The following ABTB3 variants were observed in gnomAD, a reference collection of about 807,000 sequenced individuals.
ABTB3 encodes the protein ankyrin repeat and BTB domain containing 3, also known as ankyrin repeat- and BTB/POZ domain-containing protein 3.
the ABTB3 span, among the ~76,000 whole-genome samples, chr12:107,618,830 A>C: frequency 1.3e-5 from 2 of 151,888 alleles, no homozygotes; most frequent in African/African-American, 4.8e-5. Flanking sequence ...AGAGCACCCA[A>C]CTCCACGAAG....
At chr12:107,626,994 T>A in the ABTB3 span, among the ~76,000 whole-genome samples, 2 of 151,994 alleles carry the variant, frequency 1.3e-5, no homozygotes, top group Non-Finnish European at 1.5e-5. Context: ...AAAATAAAAA[T>A]TAAAATTAAA....
At chr12:107,350,587 AG>A in the ABTB3 span, among the ~76,000 whole-genome samples, 3 of 151,912 alleles carry the variant, frequency 2.0e-5, no homozygotes, top group African/African-American at 7.3e-5. Context: ...CCAGAGACCT[AG>A]GGGTAAATTT....
chr12:107,530,759 T>C, the ABTB3 span, among the ~76,000 whole-genome samples: 2 of 152,230 alleles, frequency 1.3e-5, no homozygotes, highest in African/African-American at 4.8e-5. Context: ...TTTAAACACT[T>C]GTTTGTCAAA....
chr12:107,474,957 A>G, the ABTB3 span, among the ~76,000 whole-genome samples: 20 of 152,250 alleles, frequency 1.3e-4, 1 homozygote, highest in East Asian at 3.9e-3. Flanking sequence ...CCTAGGTCCC[A>G]TCAAAAAGGG....
the ABTB3 span, among the ~76,000 whole-genome samples, chr12:107,399,839 C>T: frequency 1.3e-5 from 2 of 152,058 alleles, no homozygotes; most frequent in African/African-American, 2.4e-5. Flanking sequence ...CCTCCCCTTG[C>T]CCCCGACAGC....
the ABTB3 span, among the ~76,000 whole-genome samples, chr12:107,359,198 G>C: frequency 1.2e-4 from 18 of 152,238 alleles, no homozygotes; most frequent in Admixed American, 4.6e-4. Context: ...GAGGACAAAA[G>C]GTAGGAGGCA....
chr12:107,454,461 T>C, the ABTB3 span, among the ~76,000 whole-genome samples: 1 of 152,322 alleles, frequency 6.6e-6, no homozygotes, highest in South Asian at 2.1e-4. Flanking sequence ...CCAGGATCTC[T>C]GAGATAGAGG....
At chr12:107,450,519 G>C in the ABTB3 span, among the ~76,000 whole-genome samples, 1 of 152,096 alleles carries the variant, frequency 6.6e-6, no homozygotes, top group Non-Finnish European at 1.5e-5. Flanking sequence ...AGAGAAATTC[G>C]ATTGAGGGAA....
the ABTB3 span, chr12:107,617,575 G>A: frequency 1.7e-6 from 2 of 1,176,406 alleles, no homozygotes; most frequent in Admixed American, 2.8e-5. Flanking sequence ...CCCAGGTCTG[G>A]CCAGAGCGAC....
the ABTB3 span, chr12:107,657,498 AC>A: frequency 6.2e-7 from 1 of 1,612,376 alleles, no homozygotes; most frequent in Non-Finnish European, 8.5e-7. Context: ...TTTCCTCTCC[AC>A]TCTCCACAGT....
the ABTB3 span, among the ~76,000 whole-genome samples, chr12:107,499,368 G>GTA: frequency 2.0e-5 from 3 of 151,772 alleles, no homozygotes; most frequent in Middle Eastern, 6.8e-3. Flanking sequence ...GAAGCTGTGT[G>GTA]TGTGTGTGTG....
the ABTB3 span, among the ~76,000 whole-genome samples, chr12:107,348,451 C>G: frequency 6.6e-6 from 1 of 152,110 alleles, no homozygotes. Context: ...GAGACCTGTT[C>G]ACGCCTGGTG....
the ABTB3 span, among the ~76,000 whole-genome samples, chr12:107,467,774 C>A: frequency 2.0e-5 from 3 of 152,202 alleles, no homozygotes; most frequent in Middle Eastern, 3.4e-3. Flanking sequence ...GGGAAAAGAC[C>A]AGGAGAAAAT....
At chr12:107,560,397 C>G in the ABTB3 span, among the ~76,000 whole-genome samples, 1 of 152,164 alleles carries the variant, frequency 6.6e-6, no homozygotes, top group Non-Finnish European at 1.5e-5. Flanking sequence ...TGGGAGGGAG[C>G]CTCACCCACC....
the ABTB3 span, among the ~76,000 whole-genome samples, chr12:107,635,665 C>T: frequency 1.3e-5 from 2 of 152,146 alleles, no homozygotes; most frequent in Non-Finnish European, 2.9e-5. Flanking sequence ...TGATTCCATA[C>T]ACATCCCCCA....
the ABTB3 span, among the ~76,000 whole-genome samples, chr12:107,559,995 CT>C: frequency 1.3e-5 from 2 of 151,842 alleles, no homozygotes; most frequent in Admixed American, 6.6e-5. Flanking sequence ...ATTGTCTTAT[CT>C]TTTTTTAATA....
chr12:107,425,649 G>A, the ABTB3 span, among the ~76,000 whole-genome samples: 2 of 152,136 alleles, frequency 1.3e-5, no homozygotes, highest in Non-Finnish European at 2.9e-5. Context: ...AAACCAGACC[G>A]CTTTTTTAAT....
At chr12:107,412,195 G>A in the ABTB3 span, among the ~76,000 whole-genome samples, 1 of 152,156 alleles carries the variant, frequency 6.6e-6, no homozygotes, top group Non-Finnish European at 1.5e-5. Context: ...TGCTAATACT[G>A]TCTATATAAC....
the ABTB3 span, among the ~76,000 whole-genome samples, chr12:107,457,587 A>G: frequency 3.0e-3 from 458 of 152,332 alleles, 3 homozygotes; most frequent in Non-Finnish European, 4.4e-3. Flanking sequence ...TAGAGCAGAA[A>G]AAAATGCTGC....
Sources: allele counts gnomAD v4.1 joint callset (sites outside exome capture counted in the v4.1 genomes callset), GRCh38; gene constraint gnomAD v4.1.1; transcripts MANE v1.5; gene names NCBI Gene and HGNC (gene_info 2026-07-23, HGNC 2026-07-21).